The following PADI1 variants were observed in gnomAD, a reference collection of about 807,000 sequenced individuals.
PADI1 encodes the protein peptidyl arginine deiminase 1.
In PADI1, 65 loss-of-function variants were observed where a neutral mutation model predicts 74.8. The observed-to-expected ratio is 0.87, with a 90% CI of 0.71 to 1.07. The LOEUF (loss-of-function observed/expected upper bound fraction) is 1.07. PADI1 is among the 50% of genes least tolerant of loss of function. PADI1 has a pLI of 0.00. For missense variants in PADI1, 943 were observed against 854.0 expected (o/e 1.10, Z -1.30); for synonymous variants, 371 against 336.2 (o/e 1.10, Z -1.13).
At chr1:17,225,729 C>T (rs1557465623) in intron 4 of PADI1, 82 bp from the exon 5 acceptor site, 1 of 875,978 alleles carries the variant, frequency 1.1e-6, no homozygotes, top group Non-Finnish European at 1.9e-6. Context: ...TCTAATAAAG[C>T]AGCCCGCCCT....
chr1:17,222,292 A>G lies in PADI1; in HGVS notation c.95A>G (p.Asp32Gly), dbSNP rs1256479921. 1 of 1,613,016 alleles carries G rather than the reference A, an allele frequency of 6.2e-7. No homozygotes were observed. Among genetic ancestry groups the G allele is most frequent in the Non-Finnish European group, 8.5e-7 (1 of 1,179,090 alleles). Residue 32 changes from aspartate to glycine, a missense_variant and splice_region_variant, in exon 2 of 16, where the codon GAT (aspartate) becomes GGT (glycine). Transcript: ENST00000375471. ...TTCCCATCTCTCTTCTCTGCCAGTG[A>G]TGTGCCCAAGGGTGCCAACAGCTTC... ...GVEAHVDIHS[D>G]VPKGANSFRV...
rs1285143897 is a variant in PADI1, at chr1:17,244,097, G to T, written c.1846G>T (p.Val616Leu). Residue 616 changes from valine to leucine, a missense_variant, in exon 16 of 16, where the codon GTG becomes TTG. Physicochemically the swap from Val to Leu is conservative, Grantham distance 32. Coordinates refer to ENST00000375471, the MANE Select transcript of PADI1 (RefSeq NM_013358.3). ...INGRCCLEEKVQSLLEPLGLH... is the reference protein window; with the variant it reads ...INGRCCLEEKLQSLLEPLGLH... The stretch of plus-strand genomic sequence containing the variant: ...TGGCCGCTGCTGCCTGGAGGAGAAG[G>T]TGCAGTCCCTGCTGGAGCCTCTGGG... 1.2e-6 allele frequency: 2 copies of T among 1,614,242 alleles called. No homozygotes were observed. Among genetic ancestry groups the T allele is most frequent in the Middle Eastern group, 3.3e-4 (2 of 6,062 alleles).
intron 6 of PADI1, among the ~76,000 whole-genome samples, chr1:17,226,535 G>C (rs763499056): frequency 6.6e-6 from 1 of 152,162 alleles, no homozygotes; most frequent in African/African-American, 2.4e-5. Context: ...CAGGGAGGGC[G>C]TGAGAACCAG....
rs373535547 is a variant in PADI1 at position 17,230,198 on chromosome 1, G to A, written c.1043G>A (p.Arg348His). 1.7e-5 allele frequency: 28 copies of A among 1,613,604 alleles called. 1 individual carries two copies. The African/African-American group carries it at 2.0e-4, about 12-fold the overall frequency. Residue 348 changes from arginine to histidine, a missense_variant, in exon 9 of 16, where the codon CGC becomes CAC. Arg to His is a conservative substitution (Grantham distance 29). Transcript: ENST00000375471. ...ICPQVENRND[R>H]WIQDEMEFGY... Reference sequence around the variant, plus strand: ...CCTCAAGTTGAAAATCGAAATGACCGCTGGATCCAGGTGGGAGCTGGGGGC... The same window carrying A: ...CCTCAAGTTGAAAATCGAAATGACCACTGGATCCAGGTGGGAGCTGGGGGC...
At chr1:17,230,017 G>T in intron 8 of PADI1, 68 bp from the exon 9 acceptor site, 2 of 1,509,070 alleles carry the variant, frequency 1.3e-6, no homozygotes, top group South Asian at 1.2e-5. Context: ...AGCACAAACT[G>T]AAGGCCACTC....
chr1:17,230,449 G>A, intron 9 of PADI1, 123 bp from the exon 10 acceptor site: 1 of 739,966 alleles, frequency 1.4e-6, no homozygotes, highest in Non-Finnish European at 2.2e-6. Context: ...TTCTACCTCT[G>A]CCCCTCACCA....
intron 1 of PADI1, among the ~76,000 whole-genome samples, chr1:17,206,666 G>GTCTTTTTTA (rs2071689451): frequency 7.1e-6 from 1 of 141,526 alleles, no homozygotes; most frequent in Non-Finnish European, 1.5e-5. Flanking sequence ...TGAAGCTGAA[G>GTCTTTTTTA]TCTTTTTTTT....
chr1:17,225,954 G>T, intron 5 of PADI1, 26 bp downstream of exon 5: 4 of 1,612,508 alleles, frequency 2.5e-6, no homozygotes, highest in Non-Finnish European at 3.4e-6. Flanking sequence ...TGTTGTCTGG[G>T]GAGTGGGGAA....
rs371913739 is a variant in PADI1 at position 17,206,210 on chromosome 1, G to T, written c.92+901G>T. Among the ~76,000 whole-genome samples the T allele has an allele frequency of 2.2e-4, 33 of 152,296 alleles. No individual in the cohort carries two copies. The East Asian group carries it at 4.8e-3, about 22-fold the overall frequency. ...CCTCAAAGAGGAGCTGGGTGCTGGG[G>T]GTCTGTTACTGGGTGAGATCTGAGC... is the stretch of plus-strand genomic sequence containing the variant. On this transcript the variant is annotated intron_variant, in intron 1 of 15. Coordinates refer to ENST00000375471, the MANE Select transcript of PADI1 (RefSeq NM_013358.3).
rs184595182 is a variant in PADI1, at chr1:17,225,318, G to A, written c.409-493G>A. On this transcript the variant is annotated intron_variant, in intron 4 of 15. Transcript: ENST00000375471. ...CAGAGGCAGGGAGAGCTCCAGCCAT[G>A]TTTCCCGACTTGGCTCAGACCTCAG... is the stretch of plus-strand genomic sequence containing the variant. Among the ~76,000 whole-genome samples, 860 of 152,338 alleles carry A rather than the reference G, an allele frequency of 5.6e-3. 2 individuals are homozygous for A. The highest frequency in any genetic ancestry group is 8.6e-3 in the Non-Finnish European group (587 of 68,030).
intron 6 of PADI1, among the ~76,000 whole-genome samples, chr1:17,228,394 T>G (rs1358035634): frequency 6.6e-6 from 1 of 152,246 alleles, no homozygotes; most frequent in African/African-American, 2.4e-5. Flanking sequence ...ATCTCTTTAT[T>G]TAGTTTAAAG....
Position 17,224,475 on chromosome 1 carries a change from C to G in PADI1, c.408+47C>G, listed in dbSNP as rs746706974. 3.4e-6 allele frequency: 5 copies of G among 1,455,176 alleles called. No individual in the cohort carries two copies. The African/African-American group carries it at 4.2e-5, about 12-fold the overall frequency. The allele number at this position is 1,455,176 out of a possible 1,614,324, so 90.1% of individuals were successfully genotyped here. On this transcript the variant is annotated intron_variant, in intron 4 of 15. Transcript: ENST00000375471. ...CAAGGCTGCGGGGTTGAAAGGCAAA[C>G]TTGGGGTGGTCCCGGGTGGATTGTG...
At chr1:17,207,285 G>A (rs911518943) in intron 1 of PADI1, among the ~76,000 whole-genome samples, 1 of 152,156 alleles carries the variant, frequency 6.6e-6, no homozygotes, top group African/African-American at 2.4e-5. Flanking sequence ...GAGCCCCCAT[G>A]AGATGAGCTG....
At position 17,230,648 on chromosome 1, in the gene PADI1, G is replaced by A; in HGVS notation, c.1130G>A (p.Gly377Asp). Residue 377 changes from glycine to aspartate, a missense_variant, in exon 10 of 16, where the codon GGC (glycine) becomes GAC (aspartate). Transcript: ENST00000375471. The stretch of plus-strand genomic sequence containing the variant: ...GTCTTTGACTCCCCCAGGAACAGGG[G>A]CCTGAAAGATTTCCCCTATAAGAGG... ...PVVFDSPRNR[G>D]LKDFPYKRIL... 1.2e-6 allele frequency: 2 copies of A among 1,611,018 alleles called. No homozygotes were observed. Among genetic ancestry groups the A allele is most frequent in the South Asian group, 2.2e-5 (2 of 90,560 alleles).
intron 1 of PADI1, among the ~76,000 whole-genome samples, chr1:17,215,958 C>T (rs1191048476): frequency 6.6e-6 from 1 of 152,182 alleles, no homozygotes; most frequent in African/African-American, 2.4e-5. Flanking sequence ...TCATTTGTGT[C>T]ACGCCATTTG....
intron 2 of PADI1, 158 bp from the exon 3 acceptor site, chr1:17,223,463 C>T (rs2072218001): frequency 3.2e-6 from 2 of 622,436 alleles, no homozygotes; most frequent in Non-Finnish European, 5.7e-6. Context: ...GCTCTGAATC[C>T]CAGCCGGGAG....
chr1:17,214,676 G>T lies in PADI1; in HGVS notation c.93-7614G>T, dbSNP rs541857297. ...CCGGGAGCAGCTCCAGAAAGCTGGC[G>T]CAATACAGCCCACTGCAGGGTGGCC... On this transcript the variant is annotated intron_variant, in intron 1 of 15. Transcript: ENST00000375471. Among the ~76,000 whole-genome samples the T allele has an allele frequency of 2.0e-5, 3 of 152,266 alleles. No individual in the cohort carries two copies. In the South Asian group the frequency reaches 6.2e-4, roughly 32 times the overall value.
At chr1:17,208,424 T>A (rs187916245) in intron 1 of PADI1, among the ~76,000 whole-genome samples, 5 of 139,916 alleles carry the variant, frequency 3.6e-5, no homozygotes, top group African/African-American at 8.1e-5. Context: ...CCGACTCCAG[T>A]GGGCTAGCTC....
intron 1 of PADI1, among the ~76,000 whole-genome samples, chr1:17,215,929 G>A (rs934359668): frequency 1.3e-5 from 2 of 152,224 alleles, no homozygotes; most frequent in Non-Finnish European, 2.9e-5. Context: ...GCTGGGGTTG[G>A]GGAACCAGAC....
Sources: gnomAD v4.1 joint callset for allele counts (sites outside exome capture counted in the v4.1 genomes callset) on GRCh38, gnomAD v4.1.1 for gene constraint, MANE v1.5 for transcripts, NCBI Gene and HGNC (gene_info 2026-07-23, HGNC 2026-07-21) for gene names.